Variants in HNF4G observed in about 807,000 individuals in gnomAD.
HNF4G encodes the protein hepatocyte nuclear factor 4-gamma.
HNF4G carries 21 observed loss-of-function variants against 50.9 expected under a neutral mutation model. The ratio of observed to expected loss-of-function variants is 0.41; its 90% CI spans 0.29 to 0.59. The LOEUF (loss-of-function observed/expected upper bound fraction) is 0.59. Ranked by LOEUF, HNF4G falls within the 20% of genes least tolerant of loss-of-function variation. The probability of loss-of-function intolerance (pLI) is 0.26; values close to 1 mark genes in which losing one functional copy is unlikely to be tolerated. For synonymous variants in HNF4G, 198 were observed against 185.6 expected (o/e 1.07, Z -0.54); for missense variants, 527 against 559.4 (o/e 0.94, Z 0.58).
intron 1 of HNF4G, among the ~76,000 whole-genome samples, chr8:75,468,982 A>T (rs1182093781): frequency 6.6e-6 from 1 of 152,040 alleles, no homozygotes; most frequent in Non-Finnish European, 1.5e-5. Context: ...GCTGCATGAC[A>T]AAAGAGTCAT....
chr8:75,555,545 G>A (rs147834786), intron 5 of HNF4G, among the ~76,000 whole-genome samples: 37 of 149,180 alleles, frequency 2.5e-4, no homozygotes, highest in African/African-American at 9.0e-4. Flanking sequence ...ATGTTTTATC[G>A]TTTAGTACTC....
chr8:75,452,311 A>T (rs921734848), intron 1 of HNF4G, among the ~76,000 whole-genome samples: 8 of 152,190 alleles, frequency 5.3e-5, no homozygotes, highest in Non-Finnish European at 1.2e-4. Flanking sequence ...CAGTATTAGT[A>T]TGTGTCCAAC....
In HNF4G at chr8:75,564,192, G is replaced by A; in HGVS notation, c.*96G>A. ...CACTTTTGGCAAACTCTTAGCCAAG[G>A]CTTCTTCATTGGTGCTGTTATAAGA... On this transcript the variant is annotated 3_prime_UTR_variant, in exon 10 of 10. Transcript: ENST00000396423. 3.2e-6 allele frequency: 4 copies of A among 1,262,790 alleles called. No homozygotes were observed. The highest frequency in any genetic ancestry group is 4.5e-6 in the Non-Finnish European group (4 of 894,596). The allele number at this position is 1,262,790 out of a possible 1,614,324, so 78.2% of individuals were successfully genotyped here. A position where few individuals can be genotyped will look rare whatever the true frequency, so the allele number is the denominator to read the frequency against.
At chr8:75,425,243 C>T (rs1291460901) in intron 1 of HNF4G, among the ~76,000 whole-genome samples, 2 of 151,982 alleles carry the variant, frequency 1.3e-5, no homozygotes, top group South Asian at 2.1e-4. Context: ...TGCCATCATG[C>T]CTGGCTAATT....
At chr8:75,462,068 C>T (rs952249809) in intron 1 of HNF4G, among the ~76,000 whole-genome samples, 1 of 151,770 alleles carries the variant, frequency 6.6e-6, no homozygotes, top group Non-Finnish European at 1.5e-5. Flanking sequence ...CAGGCATGCA[C>T]CACCATGGCT....
At chr8:75,558,134 G>C (rs1307518769) in intron 6 of HNF4G, among the ~76,000 whole-genome samples, 1 of 152,026 alleles carries the variant, frequency 6.6e-6, no homozygotes, top group Non-Finnish European at 1.5e-5. Flanking sequence ...TTTTTAATCC[G>C]CTGTAAACAA....
At chr8:75,434,084 A>G (rs1266490352) in intron 1 of HNF4G, among the ~76,000 whole-genome samples, 1 of 145,594 alleles carries the variant, frequency 6.9e-6, no homozygotes, top group Non-Finnish European at 1.5e-5. Context: ...GCTCACTACA[A>G]CCTCCGCTTC....
At chr8:75,452,448 G>A (rs745921623) in intron 1 of HNF4G, among the ~76,000 whole-genome samples, 1 of 152,050 alleles carries the variant, frequency 6.6e-6, no homozygotes, top group African/African-American at 2.4e-5. Context: ...GGCTGGGCAC[G>A]TTGGCTCACG....
chr8:75,444,298 C>T (rs1184767887), intron 1 of HNF4G, among the ~76,000 whole-genome samples: 2 of 151,674 alleles, frequency 1.3e-5, no homozygotes, highest in Admixed American at 1.3e-4. Flanking sequence ...TGGAAAGGAA[C>T]AACCGGTACC....
rs1235277284 is a variant in HNF4G at position 75,444,289 on chromosome 8, G to A, written c.-144+36127G>A. 1.3e-4 allele frequency among the ~76,000 whole-genome samples: 20 copies of A among 151,708 alleles called. No individual in the cohort carries two copies. In the East Asian group the frequency reaches 2.3e-3, roughly 18 times the overall value. On this transcript the variant is annotated intron_variant, in intron 1 of 10. Transcript: ENST00000354370. Reference sequence around the variant, plus strand: ...AGCTCCTGAAGGAAGCGCTAAACATGGAAAGGAACAACCGGTACCAGCCGC... The same window carrying A: ...AGCTCCTGAAGGAAGCGCTAAACATAGAAAGGAACAACCGGTACCAGCCGC...
chr8:75,545,338 G>C (rs1237312977), intron 2 of HNF4G, among the ~76,000 whole-genome samples: 2 of 151,640 alleles, frequency 1.3e-5, no homozygotes, highest in Non-Finnish European at 2.9e-5. Context: ...AAGGCTATGA[G>C]GACTTCTGTC....
intron 1 of HNF4G, among the ~76,000 whole-genome samples, chr8:75,419,739 C>T (rs1585826172): frequency 2.0e-5 from 3 of 152,228 alleles, no homozygotes; most frequent in Non-Finnish European, 4.4e-5. Flanking sequence ...AGAGTGTGCT[C>T]ACTCCAGTGC....
At chr8:75,542,003 C>T (rs1198073599) in intron 1 of HNF4G, among the ~76,000 whole-genome samples, 2 of 151,866 alleles carry the variant, frequency 1.3e-5, no homozygotes, top group East Asian at 3.9e-4. Flanking sequence ...AAAACTAAGG[C>T]CATTTAAAAA....
intron 6 of HNF4G, 36 bp from the exon 7 acceptor site, chr8:75,558,482 A>G (rs1554580857): frequency 3.8e-6 from 6 of 1,580,436 alleles, no homozygotes; most frequent in Non-Finnish European, 5.2e-6. Flanking sequence ...ACAGGTGGTT[A>G]TTTTGTTTTG....
intron 2 of HNF4G, among the ~76,000 whole-genome samples, chr8:75,533,998 T>A (rs1361071882): frequency 6.6e-6 from 1 of 151,908 alleles, no homozygotes; most frequent in African/African-American, 2.4e-5. Context: ...CAAGTCTAAA[T>A]TGCACTCAGC....
intron 1 of HNF4G, among the ~76,000 whole-genome samples, chr8:75,424,163 G>A (rs918009234): frequency 6.6e-6 from 1 of 151,826 alleles, no homozygotes; most frequent in Non-Finnish European, 1.5e-5. Context: ...GCAGGTGTAT[G>A]TTTTATATTT....
chr8:75,452,429 G>A (rs894598830), intron 1 of HNF4G, among the ~76,000 whole-genome samples: 1 of 151,886 alleles, frequency 6.6e-6, no homozygotes, highest in African/African-American at 2.4e-5. Flanking sequence ...TGAGTTTCAA[G>A]ACTAATGTGG....
At chr8:75,545,837 C>G (rs1027934051) in intron 2 of HNF4G, among the ~76,000 whole-genome samples, 2 of 152,010 alleles carry the variant, frequency 1.3e-5, no homozygotes, top group Non-Finnish European at 2.9e-5. Context: ...GTTGTAGGTG[C>G]TTAATAATAT....
chr8:75,417,678 T>G (rs1810674077), intron 1 of HNF4G, among the ~76,000 whole-genome samples: 1 of 152,216 alleles, frequency 6.6e-6, no homozygotes, highest in African/African-American at 2.4e-5. Context: ...TATGAATGAT[T>G]TCACTGAATT....
Sources: gnomAD v4.1 joint callset for allele counts (sites outside exome capture counted in the v4.1 genomes callset) on GRCh38, gnomAD v4.1.1 for gene constraint, MANE v1.5 for transcripts, NCBI Gene and HGNC (gene_info 2026-07-23, HGNC 2026-07-21) for gene names.